Variants in ARHGAP33 observed in about 807,000 individuals in gnomAD.
ARHGAP33 encodes the protein Rho GTPase activating protein 33.
A neutral mutation model predicts 126.2 loss-of-function variants in ARHGAP33; 57 were observed. The ratio of observed to expected loss-of-function variants is 0.45; its 90% CI spans 0.36 to 0.56. ARHGAP33 has a LOEUF of 0.56. Among genes scored for constraint, ARHGAP33 ranks in the 20% least tolerant of loss-of-function variants. The pLI, the probability that ARHGAP33 is intolerant of heterozygous loss-of-function variation, is 0.00. For synonymous variants in ARHGAP33, 711 were observed against 755.0 expected, an observed-to-expected ratio of 0.94 and a Z score of 0.95; for missense variants, 1,500 against 1,748.3, an observed-to-expected ratio of 0.86 and a Z score of 2.53.
At chr19:35,779,352 G>A (rs1265374623) in intron 6 of ARHGAP33, among the ~76,000 whole-genome samples, 1 of 152,162 alleles carries the variant, frequency 6.6e-6, no homozygotes, top group Non-Finnish European at 1.5e-5. Context: ...GGATACAAGG[G>A]TTTAAATGTA....
chr19:35,787,366 C>G lies in ARHGAP33; in HGVS notation c.2801C>G (p.Ser934Trp), dbSNP rs1314581741. ...PPASQSPFHR[S>W]LSLEVGGEPL... ...GCTTCCCAATCCCCCTTCCACCGCTCGCTGTCTCTGGAGGTGGGCGGGGAG... is the reference window on the plus strand; with the variant it reads ...GCTTCCCAATCCCCCTTCCACCGCTGGCTGTCTCTGGAGGTGGGCGGGGAG... The change falls in exon 21 of 21, where the codon TCG (serine) becomes TGG (tryptophan). Residue 934 changes from serine to tryptophan, a missense_variant. Ser to Trp is a radical substitution (Grantham distance 177, BLOSUM62 -3). This residue lies in a region of ARHGAP33 where 642 missense variants were observed against 634.0 expected (regional missense o/e 1.01). Transcript: ENST00000007510. 1.9e-6 allele frequency: 3 copies of G among 1,609,938 alleles called. No homozygotes were observed. The highest frequency in any genetic ancestry group is 1.7e-6 in the Non-Finnish European group (2 of 1,177,804).
rs748506170 is a variant in ARHGAP33 at position 35,780,644 on chromosome 19, G to A, written c.765G>A (p.Lys255=). 1.9e-6 allele frequency: 3 copies of A among 1,612,720 alleles called. No individual in the cohort carries two copies. Among genetic ancestry groups the A allele is most frequent in the African/African-American group, 2.7e-5 (2 of 74,704 alleles). ...LFTERPGPGL[K]ADADGPPCGI... is the part of the protein sequence containing the mutation. ...CAGAGCGGCCAGGTCCGGGCCTGAA[G>A]GCGGGTAAGTGCCATGGATGGATGG... Residue 255 remains lysine, a synonymous_variant, in exon 9 of 21, where the codon AAG becomes AAA. Coordinates refer to ENST00000007510, the MANE Select transcript of ARHGAP33 (RefSeq NM_001366178.1).
At chr19:35,785,878 C>T (rs1972086772) in intron 19 of ARHGAP33, 3 of 1,132,584 alleles carry the variant, frequency 2.6e-6, no homozygotes, top group Non-Finnish European at 3.3e-6. Context: ...TCTGATCATA[C>T]ACAGGTGTGT....
rs747885619 is a variant in ARHGAP33, at chr19:35,780,911, C to A, written c.830-9C>A. The stretch of plus-strand genomic sequence containing the variant: ...ACCTGCCTTTGCCCTTTGCCCCTTG[C>A]CCCCACAGCTGTGCCACGGCCTCGT... On this transcript the variant is annotated splice_polypyrimidine_tract_variant and intron_variant, in intron 10 of 20. Coordinates refer to ENST00000007510, the MANE Select transcript of ARHGAP33 (RefSeq NM_001366178.1). The A allele has an allele frequency of 1.9e-6, 3 of 1,610,004 alleles. No individual in the cohort carries two copies. Among genetic ancestry groups the A allele is most frequent in the Non-Finnish European group, 2.5e-6 (3 of 1,179,968 alleles).
chr19:35,785,542 T>C lies in ARHGAP33; in HGVS notation c.1942+59T>C, dbSNP rs1473737367. The C allele has an allele frequency of 1.9e-6, 3 of 1,605,906 alleles. No individual in the cohort carries two copies. In the East Asian group the frequency reaches 6.7e-5, roughly 36 times the overall value. On this transcript the variant is annotated intron_variant, in intron 19 of 20. Transcript: ENST00000007510. ...GTGCCCATGTGGAGCCGGGAGGAAT[T>C]GGGGCCCTGGTTTGGCCTCCAAATT...
intron 3 of ARHGAP33, among the ~76,000 whole-genome samples, 166 bp from the exon 4 acceptor site, chr19:35,778,114 A>C (rs1469347185): frequency 6.6e-6 from 1 of 152,186 alleles, no homozygotes; most frequent in East Asian, 1.9e-4. Flanking sequence ...TTCATTCAAC[A>C]ACAACTTTTG....
At chr19:35,778,645 T>C in intron 5 of ARHGAP33, 44 bp downstream of exon 5, 1 of 1,585,668 alleles carries the variant, frequency 6.3e-7, no homozygotes, top group South Asian at 1.1e-5. Flanking sequence ...GAGTGTGTCC[T>C]CATCCACAGT....
intron 15 of ARHGAP33, 132 bp downstream of exon 15, chr19:35,783,001 C>CCT (rs1337032835): frequency 3.9e-6 from 3 of 768,252 alleles, no homozygotes; most frequent in Non-Finnish European, 6.3e-6. Flanking sequence ...TGGCCCCGTC[C>CCT]CTAGCACTGG....
At position 35,784,811 on chromosome 19, in the gene ARHGAP33, C is replaced by CAA. The variant is rs1599794769; in HGVS notation, c.1568-142_1568-141insAA. ...CCACCTGCCTGCTGCCCGCCTGCTC[C>CAA]CGCCTGATCCGCCCCGGCCCCCTGC... On this transcript the variant is annotated intron_variant, in intron 16 of 20. Transcript: ENST00000007510. 2.2e-6 allele frequency: 3 copies of CAA among 1,386,574 alleles called. No individual in the cohort carries two copies. The East Asian group carries it at 8.7e-5, about 40-fold the overall frequency. The allele number at this position is 1,386,574 out of a possible 1,614,324, so 85.9% of individuals were successfully genotyped here. A position where few individuals can be genotyped will look rare whatever the true frequency, so the allele number is the denominator to read the frequency against.
Position 35,786,373 on chromosome 19 carries a change from C to T in ARHGAP33, c.1943-40C>T. 1 of 1,499,650 alleles carries T rather than the reference C, an allele frequency of 6.7e-7. No individual in the cohort carries two copies. Among genetic ancestry groups the T allele is most frequent in the African/African-American group, 1.4e-5 (1 of 72,384 alleles). The allele number at this position is 1,499,650 out of a possible 1,614,324, so 92.9% of individuals were successfully genotyped here. ...CCCAGCTTTCTGTGGGGCTGTGCGC[C>T]CTGTTCTCAGGGATGGTCTCACTGA... On this transcript the variant is annotated intron_variant, in intron 19 of 20. Transcript: ENST00000007510. This position sits in a 1 kb window ranked among gnomAD's most constrained non-coding sequence, Gnocchi z 7.0.
Position 35,778,559 on chromosome 19 carries a change from T to G in ARHGAP33, c.366T>G (p.Leu122=), listed in dbSNP as rs764894828. 6.2e-7 allele frequency: 1 copy of G among 1,614,158 alleles called. No homozygotes were observed. Among genetic ancestry groups the G allele is most frequent in the Admixed American group, 1.7e-5 (1 of 60,016 alleles). The part of the protein sequence containing the change: ...RCIFDRRFSC[L]PELPPPPEGA... ...TATTTGACCGGAGGTTCTCCTGCCT[T>G]CCGGAGCTTCCCCCGCCCCCCGAGG... Residue 122 remains leucine, a synonymous_variant, in exon 5 of 21, where the codon CTT becomes CTG. Coordinates refer to ENST00000007510, the MANE Select transcript of ARHGAP33 (RefSeq NM_001366178.1).
rs1415040736 is a variant in ARHGAP33 at position 35,785,050 on chromosome 19, G to T, written c.1665G>T (p.Arg555=). 2 of 1,555,830 alleles carry T rather than the reference G, an allele frequency of 1.3e-6. No individual in the cohort carries two copies. The highest frequency in any genetic ancestry group is 2.4e-5 in the South Asian group (2 of 84,780). Residue 555 remains arginine, a synonymous_variant, in exon 17 of 21, where the codon CGG becomes CGT. Transcript: ENST00000007510. ...LEEAQARTQG[R]LGTPTEPTTP... is the part of the protein sequence containing the mutation. ...AAGCCCAGGCACGCACCCAGGGCCG[G>T]CTGGGGACGCCCACGGAGCCCACAA... is the stretch of plus-strand genomic sequence containing the variant.
Position 35,788,548 on chromosome 19 carries a change from T to A in ARHGAP33, c.*119T>A. ...CCACTACCCCAGGTTTCTAACTTTG[T>A]AACTTGCTTCTGATGTGGGTCCCTA... On this transcript the variant is annotated 3_prime_UTR_variant, in exon 21 of 21. Coordinates refer to ENST00000007510, the MANE Select transcript of ARHGAP33 (RefSeq NM_001366178.1). 1.1e-6 allele frequency: 1 copy of A among 944,984 alleles called. No homozygotes were observed. Among genetic ancestry groups the A allele is most frequent in the Non-Finnish European group, 1.5e-6 (1 of 664,084 alleles). 58.5% of individuals were successfully genotyped at this position (944,984 alleles called of 1,614,324 possible).
Sources: gnomAD v4.1 joint callset for allele counts (sites outside exome capture counted in the v4.1 genomes callset) on GRCh38, gnomAD v4.1.1 for gene constraint, gnomAD v4.1.1 regional missense constraint, Gnocchi (gnomAD v3.1) non-coding constraint, MANE v1.5 for transcripts, NCBI Gene and HGNC (gene_info 2026-07-23, HGNC 2026-07-21) for gene names.